Variants in SENP8 observed in about 807,000 individuals in gnomAD.
The protein encoded by SENP8 is sentrin-specific protease 8.
Under a neutral mutation model 14.4 loss-of-function variants are expected in SENP8, and 10 were observed. The ratio of observed to expected loss-of-function variants is 0.69; its 90% CI spans 0.43 to 1.18. SENP8 has a LOEUF of 1.18. Ranked by LOEUF, SENP8 falls within the 50% of genes most tolerant of loss-of-function variation. SENP8 has a pLI of 0.00. For synonymous variants in SENP8, 94 were observed against 95.5 expected, an observed-to-expected ratio of 0.98 and a Z score of 0.09; for missense variants, 202 against 249.4, an observed-to-expected ratio of 0.81 and a Z score of 1.28.
At chr15:72,122,717 T>A (rs1424530319) in intron 1 of SENP8, among the ~76,000 whole-genome samples, 2 of 152,248 alleles carry the variant, frequency 1.3e-5, no homozygotes, top group African/African-American at 4.8e-5. Flanking sequence ...TTCAGCTATC[T>A]GACACCTTTT....
intron 1 of SENP8, among the ~76,000 whole-genome samples, chr15:72,130,183 G>C (rs1278215641): frequency 1.3e-5 from 2 of 151,936 alleles, no homozygotes; most frequent in Non-Finnish European, 1.5e-5. Flanking sequence ...AGAGCGAAAT[G>C]CCATCTCAAA....
Position 72,140,764 on chromosome 15 carries a change from C to G in SENP8, c.*502C>G, listed in dbSNP as rs2081373804. 5.9e-6 allele frequency: 1 copy of G among 168,778 alleles called. No individual in the cohort carries two copies. Among genetic ancestry groups the G allele is most frequent in the Non-Finnish European group, 1.4e-5 (1 of 69,334 alleles). 10.5% of individuals were successfully genotyped at this position (168,778 alleles called of 1,614,324 possible). A position where few individuals can be genotyped will look rare whatever the true frequency, so the allele number is the denominator to read the frequency against. Reference sequence around the variant, plus strand: ...ATCAAGGCCTAACTTCATTCAAGACCTAAATATTATGAGACTCAGTTATTC... The same window carrying G: ...ATCAAGGCCTAACTTCATTCAAGACGTAAATATTATGAGACTCAGTTATTC... On this transcript the variant is annotated 3_prime_UTR_variant, in exon 2 of 2. Coordinates refer to ENST00000340912, the MANE Select transcript of SENP8 (RefSeq NM_145204.4).
chr15:72,135,187 G>T, intron 1 of SENP8: 1 of 183,028 alleles, frequency 5.5e-6, no homozygotes, highest in Non-Finnish European at 1.1e-5. Context: ...TCAGCCTCCC[G>T]AGTAGTTGGG....
Position 72,140,417 on chromosome 15 carries a change from A to G in SENP8, c.*155A>G, listed in dbSNP as rs1212015218. 4 of 628,484 alleles carry G rather than the reference A, an allele frequency of 6.4e-6. No homozygotes were observed. The highest frequency in any genetic ancestry group is 1.1e-5 in the Non-Finnish European group (4 of 352,948). 38.9% of individuals were successfully genotyped at this position (628,484 alleles called of 1,614,324 possible). ...GAATATCATCCTCTGCATTATCCCC[A>G]TGGAACGTTTCACTTTAACCCTGAC... On this transcript the variant is annotated 3_prime_UTR_variant, in exon 2 of 2. Transcript: ENST00000340912.
At chr15:72,121,532 C>T (rs557041752) in intron 1 of SENP8, among the ~76,000 whole-genome samples, 1 of 150,892 alleles carries the variant, frequency 6.6e-6, no homozygotes, top group South Asian at 2.1e-4. Flanking sequence ...AGTTCAAGAC[C>T]AGCCTGGGCA....
intron 1 of SENP8, among the ~76,000 whole-genome samples, chr15:72,122,022 TAA>T (rs2081172742): frequency 6.6e-6 from 1 of 152,226 alleles, no homozygotes; most frequent in East Asian, 1.9e-4. Flanking sequence ...TTCTGACTTT[TAA>T]AAGTCAGAAC....
At position 72,134,307 on chromosome 15, in the gene SENP8, C is replaced by T. The variant is rs141027266; in HGVS notation, c.-47-5270C>T. ...TCTTATTCTCACTTTAAGCTGGGCA[C>T]GGTGGCTCACACCTGTAATCCTAGC... On this transcript the variant is annotated intron_variant, in intron 1 of 1. Coordinates refer to ENST00000340912, the MANE Select transcript of SENP8 (RefSeq NM_145204.4). Among the ~76,000 whole-genome samples the T allele has an allele frequency of 2.3e-3, 350 of 152,276 alleles. 1 individual carries two copies. The highest frequency in any genetic ancestry group is 4.2e-3 in the Non-Finnish European group (289 of 68,030).
intron 1 of SENP8, among the ~76,000 whole-genome samples, chr15:72,130,708 C>G (rs2140510370): frequency 6.6e-6 from 1 of 152,142 alleles, no homozygotes; most frequent in Middle Eastern, 3.4e-3. Flanking sequence ...CAATTACAGG[C>G]ATGCGCCACC....
At chr15:72,125,984 C>G (rs1406889697) in intron 1 of SENP8, among the ~76,000 whole-genome samples, 1 of 151,878 alleles carries the variant, frequency 6.6e-6, no homozygotes, top group Non-Finnish European at 1.5e-5. Flanking sequence ...CTACCATATC[C>G]AACTTGTTTT....
intron 1 of SENP8, among the ~76,000 whole-genome samples, chr15:72,119,900 A>G (rs1218876367): frequency 6.6e-6 from 1 of 152,226 alleles, no homozygotes; most frequent in African/African-American, 2.4e-5. Context: ...TTCATTCCTC[A>G]GTGTTTATCA....
upstream of SENP8, among the ~76,000 whole-genome samples, chr15:72,116,485 T>G (rs2080983134): frequency 6.6e-6 from 1 of 152,208 alleles, no homozygotes; most frequent in Non-Finnish European, 1.5e-5. Context: ...CAGTGAACAC[T>G]GCATGATTTC....
rs1385257570 is a variant in SENP8 at position 72,141,981 on chromosome 15, T to C, written c.*1719T>C. On this transcript the variant is annotated 3_prime_UTR_variant, in exon 2 of 2. Transcript: ENST00000340912. The stretch of plus-strand genomic sequence containing the variant: ...AAGTCAAATCCTCTCTGGGAAAAGT[T>C]ATCTTTCTGACAATGCAAAGTATGT... The C allele has an allele frequency of 2.0e-5, 3 of 152,232 alleles. No homozygotes were observed. Among genetic ancestry groups the C allele is most frequent in the African/African-American group, 7.2e-5 (3 of 41,468 alleles). The allele number at this position is 152,232 out of a possible 1,614,324, so 9.4% of individuals were successfully genotyped here. A position where few individuals can be genotyped will look rare whatever the true frequency, so the allele number is the denominator to read the frequency against.
chr15:72,136,435 T>C (rs550607627), intron 1 of SENP8, among the ~76,000 whole-genome samples: 74 of 151,342 alleles, frequency 4.9e-4, no homozygotes, highest in Non-Finnish European at 9.0e-4. Flanking sequence ...TCTCCACTAG[T>C]CTTTTTTTCT....
At chr15:72,119,897 C>T (rs960300639) in intron 1 of SENP8, among the ~76,000 whole-genome samples, 3 of 152,192 alleles carry the variant, frequency 2.0e-5, no homozygotes, top group African/African-American at 7.2e-5. Flanking sequence ...CTGTTCATTC[C>T]TCAGTGTTTA....
chr15:72,114,839 T>C (rs2080910675), upstream of SENP8, among the ~76,000 whole-genome samples: 2 of 152,200 alleles, frequency 1.3e-5, no homozygotes, highest in Admixed American at 1.3e-4. Context: ...TATTTCAAAC[T>C]GAGTTAACAT....
chr15:72,120,869 A>G (rs1476238868), intron 1 of SENP8, among the ~76,000 whole-genome samples: 5 of 152,246 alleles, frequency 3.3e-5, no homozygotes, highest in Non-Finnish European at 7.3e-5. Context: ...TGTGGTCCAC[A>G]CTTATTGAAG....
At chr15:72,123,687 T>C (rs1264509281) in intron 1 of SENP8, among the ~76,000 whole-genome samples, 1 of 152,072 alleles carries the variant, frequency 6.6e-6, no homozygotes, top group Non-Finnish European at 1.5e-5. Flanking sequence ...ATTACAGTTG[T>C]ACACTACCAC....
At chr15:72,121,356 G>A (rs2151321705) in intron 1 of SENP8, among the ~76,000 whole-genome samples, 1 of 152,278 alleles carries the variant, frequency 6.6e-6, no homozygotes, top group South Asian at 2.1e-4. Context: ...TGAAAATCTA[G>A]AATAATGTGC....
At chr15:72,118,087 C>A (rs867258922), upstream of SENP8, 8 of 392,990 alleles carry the variant, frequency 2.0e-5, no homozygotes, top group African/African-American at 4.1e-5. Flanking sequence ...CGCGCGCCCC[C>A]GACCCCGCGC....
Sources: gnomAD v4.1 joint callset for allele counts (sites outside exome capture counted in the v4.1 genomes callset) on GRCh38, gnomAD v4.1.1 for gene constraint, MANE v1.5 for transcripts, NCBI Gene and HGNC (gene_info 2026-07-23, HGNC 2026-07-21) for gene names.